Variants in SENP5 observed in about 807,000 individuals in gnomAD.
The protein encoded by SENP5 is SUMO specific peptidase 5, also known as sentrin-specific protease 5.
Under a neutral mutation model 74.2 loss-of-function variants are expected in SENP5, and 21 were observed. The observed-to-expected ratio is 0.28, with a 90% CI of 0.20 to 0.41. The LOEUF (loss-of-function observed/expected upper bound fraction) is 0.41. Among genes scored for constraint, SENP5 ranks in the 10% least tolerant of loss-of-function variants. The pLI is 1.00. For missense variants in SENP5, 717 were observed against 889.1 expected, an observed-to-expected ratio of 0.81 and a Z score of 2.46; for synonymous variants, 311 against 312.7, an observed-to-expected ratio of 0.99 and a Z score of 0.06.
At chr3:196,912,266 T>C (rs1161949295) in intron 6 of SENP5, among the ~76,000 whole-genome samples, 1 of 152,166 alleles carries the variant, frequency 6.6e-6, no homozygotes, top group Non-Finnish European at 1.5e-5. Flanking sequence ...ATCATGTCCT[T>C]TGAAGGGACA....
At chr3:196,882,164 G>T (rs1245358537) in intron 1 of SENP5, among the ~76,000 whole-genome samples, 1 of 151,846 alleles carries the variant, frequency 6.6e-6, no homozygotes, top group Non-Finnish European at 1.5e-5. Flanking sequence ...CTCCCAAAGT[G>T]CTGGGATTAT....
At chr3:196,894,307 G>C (rs34094091) in intron 2 of SENP5, among the ~76,000 whole-genome samples, 5 of 151,644 alleles carry the variant, frequency 3.3e-5, no homozygotes, top group African/African-American at 1.2e-4. Context: ...ATTTTTAGTA[G>C]AGACAGGGTT....
At chr3:196,916,993 G>A (rs1429830345) in intron 6 of SENP5, among the ~76,000 whole-genome samples, 1 of 151,956 alleles carries the variant, frequency 6.6e-6, no homozygotes, top group African/African-American at 2.4e-5. Flanking sequence ...AATTAGCCGG[G>A]CGTGGTGACA....
At chr3:196,895,492 TAAC>T (rs1714405782) in intron 2 of SENP5, among the ~76,000 whole-genome samples, 2 of 99,146 alleles carry the variant, frequency 2.0e-5, no homozygotes, top group African/African-American at 6.6e-5. Context: ...GGCCTTACTT[TAAC>T]TTCTTTTTTT....
chr3:196,917,084 A>C (rs142713212), intron 6 of SENP5, among the ~76,000 whole-genome samples: 333 of 152,206 alleles, frequency 2.2e-3, no homozygotes, highest in African/African-American at 7.7e-3. Context: ...CAGTGAGCCA[A>C]GATCATGCCA....
At chr3:196,910,301 G>A (rs1475613150) in intron 6 of SENP5, among the ~76,000 whole-genome samples, 1 of 138,476 alleles carries the variant, frequency 7.2e-6, no homozygotes, top group East Asian at 2.3e-4. Context: ...GGAAGAACCA[G>A]TATCTTGAAA....
chr3:196,868,886 T>TTTTTTTGTTTGTTTC (rs879886830), intron 1 of SENP5, among the ~76,000 whole-genome samples: 10 of 151,744 alleles, frequency 6.6e-5, no homozygotes, highest in Non-Finnish European at 1.5e-4. Flanking sequence ...ACTTATGTTT[T>TTTTTTTGTTTGTTTC]TTTTTTGCAT....
chr3:196,884,650 G>C (rs1713869416), intron 1 of SENP5, among the ~76,000 whole-genome samples: 1 of 151,496 alleles, frequency 6.6e-6, no homozygotes, highest in African/African-American at 2.4e-5. Context: ...ATCACACTGA[G>C]GTTACAGAAA....
intron 2 of SENP5, among the ~76,000 whole-genome samples, chr3:196,887,382 G>C (rs370713831): frequency 7.9e-5 from 12 of 152,034 alleles, no homozygotes; most frequent in African/African-American, 2.9e-4. Context: ...GTTTCACCAT[G>C]TTGGCCAGGC....
chr3:196,913,183 C>T (rs1342180719), intron 6 of SENP5: 2 of 152,092 alleles, frequency 1.3e-5, no homozygotes, highest in African/African-American at 4.8e-5. Flanking sequence ...ACAAAAATTA[C>T]AGTCAATATA....
chr3:196,897,547 A>G (rs1285409807), intron 2 of SENP5, among the ~76,000 whole-genome samples: 2 of 152,244 alleles, frequency 1.3e-5, no homozygotes, highest in Non-Finnish European at 2.9e-5. Flanking sequence ...GGAGATTAAC[A>G]GGAGGAAAAA....
In SENP5 at chr3:196,885,813, C is replaced by T; in HGVS notation, c.632C>T (p.Pro211Leu). 1 of 1,614,102 alleles carries T rather than the reference C, an allele frequency of 6.2e-7. No homozygotes were observed. Among genetic ancestry groups the T allele is most frequent in the Middle Eastern group, 1.7e-4 (1 of 6,060 alleles). ...QGPEHHRNGG[P>L]LIPKKFQLNQ... ...CCGGAGCACCACAGGAATGGGGGAC[C>T]CTTGATTCCAAAAAAGTTCCAACTT... The change falls in exon 2 of 10, where the codon CCC becomes CTC. Residue 211 changes from proline to leucine, a missense_variant. Around this residue, in one of 4 missense-constraint regions of SENP5, gnomAD observed 567 missense variants for 577.4 expected, o/e 0.98. Transcript: ENST00000323460.
At chr3:196,899,634 C>T in intron 2 of SENP5, 32 bp from the exon 3 acceptor site, 2 of 1,410,548 alleles carry the variant, frequency 1.4e-6, no homozygotes, top group Non-Finnish European at 2.0e-6. Flanking sequence ...CTTGTTTTTC[C>T]ATCTTAACTT....
At chr3:196,921,616 TAAAA>T (rs901883788) in intron 6 of SENP5, among the ~76,000 whole-genome samples, 8 of 148,420 alleles carry the variant, frequency 5.4e-5, no homozygotes, top group African/African-American at 2.0e-4. Context: ...TACTCGGAAT[TAAAA>T]AAAAAAGGAT....
At chr3:196,911,220 TTAAAC>T (rs145832045) in intron 6 of SENP5, among the ~76,000 whole-genome samples, 29,158 of 151,940 alleles carry the variant, frequency 0.19, 3,647 homozygotes, top group South Asian at 0.37. Context: ...TGGATTCTAA[TTAAAC>T]TAAAGAGTTT....
chr3:196,916,750 C>T (rs1365696713), intron 6 of SENP5, among the ~76,000 whole-genome samples: 2 of 151,578 alleles, frequency 1.3e-5, no homozygotes, highest in South Asian at 4.2e-4. Context: ...TGGTCTCAAA[C>T]TCCTGACCTT....
At chr3:196,914,327 G>A (rs983117675) in intron 6 of SENP5, 2 of 151,766 alleles carry the variant, frequency 1.3e-5, no homozygotes, top group South Asian at 2.1e-4. Flanking sequence ...TGCATTAGAT[G>A]ATATTAGTAA....
rs768289419 is a variant in SENP5, at chr3:196,875,531, C to A, written c.-32+7458C>A. 1.2e-3 allele frequency among the ~76,000 whole-genome samples: 185 copies of A among 152,104 alleles called. 1 individual carries two copies. Among genetic ancestry groups the A allele is most frequent in the Non-Finnish European group, 1.1e-3 (76 of 68,024 alleles). ...CTGTTCCTCATCTACCCCTTCCGTG[C>A]CTCTAAGTGTTACTGAAGTTCTTTC... On this transcript the variant is annotated intron_variant, in intron 1 of 9. Transcript: ENST00000323460.
At chr3:196,910,377 C>T (rs1319583193) in intron 6 of SENP5, among the ~76,000 whole-genome samples, 3 of 115,190 alleles carry the variant, frequency 2.6e-5, no homozygotes, top group Non-Finnish European at 5.0e-5. Context: ...GATGGAGTCT[C>T]GCTCCATTGC....
Sources: allele counts gnomAD v4.1 joint callset (sites outside exome capture counted in the v4.1 genomes callset), GRCh38; gene constraint gnomAD v4.1.1; regional missense constraint gnomAD v4.1.1; transcripts MANE v1.5; gene names NCBI Gene and HGNC (gene_info 2026-07-23, HGNC 2026-07-21).